The following ABCA4 variants were observed in gnomAD, a reference collection of about 807,000 sequenced individuals.
ABCA4 encodes the protein ATP binding cassette subfamily A member 4.
ABCA4 carries 196 observed loss-of-function variants against 263.7 expected under a neutral mutation model. That is an observed-to-expected ratio of 0.74 (90% CI 0.66 to 0.84). The LOEUF (loss-of-function observed/expected upper bound fraction) is 0.84. ABCA4 is among the 40% of genes least tolerant of loss of function. ABCA4 has a pLI of 0.00. For synonymous variants in ABCA4, 1,133 were observed against 1,094.2 expected (o/e 1.04, Z -0.70); for missense variants, 2,792 against 2,855.1 (o/e 0.98, Z 0.50).
At chr1:94,080,095 T>C (rs1372597761) in intron 8 of ABCA4, among the ~76,000 whole-genome samples, 2 of 152,140 alleles carry the variant, frequency 1.3e-5, no homozygotes, top group Non-Finnish European at 2.9e-5. Context: ...CGATATTGTG[T>C]TTGTAAAAGC....
At chr1:94,012,911 C>A (rs183214844) in intron 38 of ABCA4, among the ~76,000 whole-genome samples, 2 of 152,184 alleles carry the variant, frequency 1.3e-5, no homozygotes, top group Non-Finnish European at 2.9e-5. Flanking sequence ...TGATCTCACA[C>A]GGGCCGGCAG....
chr1:94,087,459 C>A (rs1557798679), intron 6 of ABCA4, among the ~76,000 whole-genome samples: 1 of 152,164 alleles, frequency 6.6e-6, no homozygotes, highest in Non-Finnish European at 1.5e-5. Flanking sequence ...CAATGGTAAC[C>A]AAGACACCAG....
chr1:94,028,398 A>G (rs1660094166), intron 30 of ABCA4, among the ~76,000 whole-genome samples: 1 of 152,236 alleles, frequency 6.6e-6, no homozygotes, highest in Non-Finnish European at 1.5e-5. Context: ...CTCAGAGCCA[A>G]GATCATTAAT....
intron 44 of ABCA4, among the ~76,000 whole-genome samples, chr1:94,002,497 G>A (rs546923974): frequency 5.9e-5 from 9 of 152,232 alleles, no homozygotes; most frequent in Non-Finnish European, 8.8e-5. Flanking sequence ...CTCAGACTGC[G>A]GGGAGGTGGC....
chr1:94,093,257 A>C (rs1165589804), intron 6 of ABCA4, among the ~76,000 whole-genome samples: 1 of 152,220 alleles, frequency 6.6e-6, no homozygotes, highest in African/African-American at 2.4e-5. Flanking sequence ...AAAACATTTT[A>C]ATGTAAAGGC....
chr1:94,010,924 C>G lies in ABCA4; in HGVS notation c.5590G>C (p.Glu1864Gln). ...VTDVYARFGE[E>Q]HSANPFHWDL... ...CAGTGGAACGGATTTGCAGAGTGCT[C>G]CTCACCTGGGCATCAACAGGAATTG... Residue 1864 changes from glutamate to glutamine, a missense_variant, in exon 40 of 50, where the codon GAG becomes CAG. Transcript: ENST00000370225. 6.2e-7 allele frequency: 1 copy of G among 1,614,090 alleles called. No homozygotes were observed. Among genetic ancestry groups the G allele is most frequent in the Non-Finnish European group, 8.5e-7 (1 of 1,179,996 alleles).
At chr1:94,070,433 G>A (rs1239710861) in intron 11 of ABCA4, among the ~76,000 whole-genome samples, 1 of 152,090 alleles carries the variant, frequency 6.6e-6, no homozygotes, top group East Asian at 1.9e-4. Flanking sequence ...TCACATCTCT[G>A]CACTTTGCTT....
chr1:93,998,144 G>A (rs1323821935), intron 47 of ABCA4, 34 bp from the exon 48 acceptor site: 2 of 1,613,846 alleles, frequency 1.2e-6, no homozygotes, highest in South Asian at 1.1e-5. Flanking sequence ...ACAGGCCTCT[G>A]TTAGTGGTTG....
intron 1 of ABCA4, among the ~76,000 whole-genome samples, chr1:94,118,353 G>A (rs1662857899): frequency 6.6e-6 from 1 of 152,194 alleles, no homozygotes; most frequent in African/African-American, 2.4e-5. Flanking sequence ...TGAGGAATGA[G>A]GAAATTTGGT....
At chr1:94,080,405 C>T in intron 8 of ABCA4, 73 bp downstream of exon 8, 1 of 1,596,896 alleles carries the variant, frequency 6.3e-7, no homozygotes, top group Non-Finnish European at 8.6e-7. Flanking sequence ...GGTTTGGTTT[C>T]ACCTAGAAGT....
chr1:94,062,469 G>T, intron 13 of ABCA4, 108 bp downstream of exon 13: 1 of 1,381,260 alleles, frequency 7.2e-7, no homozygotes, highest in Non-Finnish European at 1.0e-6. Context: ...GGTCCCTGGG[G>T]CTCTCTCTAA....
At chr1:94,050,085 A>G (rs1196905879) in intron 17 of ABCA4, among the ~76,000 whole-genome samples, 2 of 152,124 alleles carry the variant, frequency 1.3e-5, no homozygotes, top group African/African-American at 2.4e-5. Flanking sequence ...CCCTCTGAAA[A>G]TGTGCAGGAT....
At chr1:94,035,210 G>T (rs762713337) in intron 26 of ABCA4, among the ~76,000 whole-genome samples, 2 of 152,198 alleles carry the variant, frequency 1.3e-5, no homozygotes, top group Non-Finnish European at 2.9e-5. Flanking sequence ...CAGGTAAAAG[G>T]CCCTAACTCT....
In ABCA4 at chr1:94,079,316, T is replaced by G. The variant is rs759761998; in HGVS notation, c.1239+6A>C. On this transcript the variant is annotated splice_donor_region_variant and intron_variant, in intron 9 of 49. Transcript: ENST00000370225. ...GTACACAAGGCAAGCCCAGCTGGGA[T>G]CTTACATTCTTCAGTATCCTTCGTG... 1 of 1,614,074 alleles carries G rather than the reference T, an allele frequency of 6.2e-7. No individual in the cohort carries two copies. Among genetic ancestry groups the G allele is most frequent in the Non-Finnish European group, 8.5e-7 (1 of 1,180,006 alleles).
chr1:94,032,809 G>A (rs1660240873), intron 26 of ABCA4, among the ~76,000 whole-genome samples: 3 of 152,276 alleles, frequency 2.0e-5, no homozygotes, highest in South Asian at 2.1e-4. Context: ...AATGTCCACC[G>A]ACTGTCAGCA....
At chr1:94,001,267 G>A (rs573472101) in intron 45 of ABCA4, among the ~76,000 whole-genome samples, 162 bp from the exon 46 acceptor site, 3 of 152,342 alleles carry the variant, frequency 2.0e-5, no homozygotes, top group Non-Finnish European at 4.4e-5. Context: ...GTAGGGTAGG[G>A]AAGGCAGGAG....
At chr1:94,074,835 C>T (rs1306268137) in intron 11 of ABCA4, among the ~76,000 whole-genome samples, 2 of 152,062 alleles carry the variant, frequency 1.3e-5, no homozygotes, top group African/African-American at 4.8e-5. Context: ...GGTATATAAC[C>T]AAAGGAATAT....
At chr1:93,998,905 A>ATTTTT (rs11370620) in intron 47 of ABCA4, among the ~76,000 whole-genome samples, 11 of 135,792 alleles carry the variant, frequency 8.1e-5, no homozygotes, top group African/African-American at 1.9e-4. Flanking sequence ...CACTCGGCTA[A>ATTTTT]TTTTTTTTTT....
chr1:94,022,886 G>T (rs1424883461), intron 32 of ABCA4, among the ~76,000 whole-genome samples: 1 of 152,186 alleles, frequency 6.6e-6, no homozygotes. Context: ...ACCTGTTCTG[G>T]AGGTGCAGTT....
Sources: allele counts gnomAD v4.1 joint callset (sites outside exome capture counted in the v4.1 genomes callset), GRCh38; gene constraint gnomAD v4.1.1; transcripts MANE v1.5; gene names NCBI Gene and HGNC (gene_info 2026-07-23, HGNC 2026-07-21).